The following CRY1 variants were observed in gnomAD, a reference collection of about 807,000 sequenced individuals.
CRY1 encodes cryptochrome circadian regulator 1.
In CRY1, 45 loss-of-function variants were observed where a neutral mutation model predicts 76.0. The observed-to-expected ratio is 0.59, with a 90% CI of 0.47 to 0.76. The LOEUF is 0.76. Among genes scored for constraint, CRY1 ranks in the 30% least tolerant of loss-of-function variants. The probability of loss-of-function intolerance (pLI) is 0.00; values close to 1 mark genes in which losing one functional copy is unlikely to be tolerated. For synonymous variants in CRY1, 248 were observed against 244.0 expected (o/e 1.02, Z -0.15); for missense variants, 587 against 716.4 (o/e 0.82, Z 2.06).
At chr12:107,089,019 T>A (rs1017576968) in intron 1 of CRY1, among the ~76,000 whole-genome samples, 107 of 152,356 alleles carry the variant, frequency 7.0e-4, no homozygotes, top group African/African-American at 2.4e-3. Context: ...TGTGACTGGC[T>A]TCTTTCGTTT....
intron 2 of CRY1, among the ~76,000 whole-genome samples, chr12:107,015,906 A>C: frequency 6.6e-6 from 1 of 152,150 alleles, no homozygotes; most frequent in South Asian, 2.1e-4. Context: ...GGCTGGTCTC[A>C]AACTCCTGGG....
chr12:107,009,599 T>TATATATAA (rs1952420176), intron 2 of CRY1, among the ~76,000 whole-genome samples: 1 of 20,838 alleles, frequency 4.8e-5, no homozygotes, highest in Non-Finnish European at 8.9e-5. Flanking sequence ...TATATATATA[T>TATATATAA]ATAAAATCTC....
intron 2 of CRY1, among the ~76,000 whole-genome samples, chr12:107,013,462 T>C (rs574989367): frequency 6.6e-6 from 1 of 152,352 alleles, no homozygotes; most frequent in South Asian, 2.1e-4. Flanking sequence ...AGACAACTTT[T>C]ATACATATGC....
At chr12:107,018,285 C>T (rs1360645492) in intron 2 of CRY1, among the ~76,000 whole-genome samples, 4 of 152,164 alleles carry the variant, frequency 2.6e-5, no homozygotes, top group Admixed American at 2.6e-4. Flanking sequence ...GTCACTGTTT[C>T]TTAGATATAA....
At chr12:107,005,052 G>A (rs1952354331) in intron 3 of CRY1, 54 bp downstream of exon 3, 4 of 1,530,914 alleles carry the variant, frequency 2.6e-6, no homozygotes, top group Non-Finnish European at 2.7e-6. Context: ...GGTTAAGATG[G>A]TAAATATTAT....
At chr12:107,011,823 A>G (rs992091270) in intron 2 of CRY1, among the ~76,000 whole-genome samples, 6 of 152,248 alleles carry the variant, frequency 3.9e-5, no homozygotes, top group Admixed American at 2.6e-4. Flanking sequence ...ACTAAACTAC[A>G]GATTTTCAGT....
At position 107,001,467 on chromosome 12, in the gene CRY1, G is replaced by C. The variant is rs1384278956; in HGVS notation, c.596-99C>G. On this transcript the variant is annotated intron_variant, in intron 4 of 12. Coordinates refer to ENST00000008527, the MANE Select transcript of CRY1 (RefSeq NM_004075.5). ...AAATTACTTTGCAGAAAAATTAAGA[G>C]AGTACCATAAAAATGAACTGAAGGC... is the stretch of plus-strand genomic sequence containing the variant. 9 of 1,040,928 alleles carry C rather than the reference G, an allele frequency of 8.6e-6. No homozygotes were observed. In the African/African-American group the frequency reaches 9.8e-5, roughly 11 times the overall value. 64.5% of individuals were successfully genotyped at this position (1,040,928 alleles called of 1,614,324 possible).
intron 1 of CRY1, among the ~76,000 whole-genome samples, chr12:107,024,054 T>A (rs979567040): frequency 6.6e-6 from 1 of 152,162 alleles, no homozygotes; most frequent in Non-Finnish European, 1.5e-5. Context: ...AATTAAGAAG[T>A]TGAAAGAACT....
Position 107,092,494 on chromosome 12 carries a change from C to T in CRY1, c.158+310G>A, listed in dbSNP as rs1371026645. Among the ~76,000 whole-genome samples the T allele has an allele frequency of 4.6e-5, 7 of 152,192 alleles. No individual in the cohort carries two copies. In the South Asian group the frequency reaches 1.4e-3, roughly 32 times the overall value. On this transcript the variant is annotated intron_variant, in intron 1 of 12. Transcript: ENST00000008527. The stretch of plus-strand genomic sequence containing the variant: ...CAAGGGAATCCATATACAATGGCCA[C>T]TAAGGACAGGAAAGGTGTTTCTTTA...
chr12:107,001,672 T>C (rs1952313330), intron 4 of CRY1, 92 bp downstream of exon 4: 1 of 1,193,360 alleles, frequency 8.4e-7, no homozygotes. Context: ...TAATGCAAAA[T>C]ACTTTACATG....
intron 1 of CRY1, among the ~76,000 whole-genome samples, chr12:107,053,356 G>A (rs1317897758): frequency 6.6e-6 from 1 of 151,998 alleles, no homozygotes; most frequent in African/African-American, 2.4e-5. Flanking sequence ...CACTCTTGCT[G>A]CCCAGGCTGG....
chr12:107,069,930 T>C lies in CRY1; in HGVS notation c.158+22874A>G, dbSNP rs565792452. Among the ~76,000 whole-genome samples the C allele has an allele frequency of 4.8e-4, 73 of 151,964 alleles. No homozygotes were observed. In the Middle Eastern group the frequency reaches 0.027, roughly 57 times the overall value. Reference sequence around the variant, plus strand: ...ACTAGAAAAGTACAAATTAAAAGAATCAAACATCAGTTTATGCTTATTAGA... The same window carrying C: ...ACTAGAAAAGTACAAATTAAAAGAACCAAACATCAGTTTATGCTTATTAGA... On this transcript the variant is annotated intron_variant, in intron 1 of 12. Transcript: ENST00000008527.
At chr12:106,995,903 G>A (rs1047594357) in intron 10 of CRY1, among the ~76,000 whole-genome samples, 5 of 152,148 alleles carry the variant, frequency 3.3e-5, no homozygotes, top group African/African-American at 1.2e-4. Context: ...GAGTGCAATG[G>A]CGCGATCTCA....
intron 2 of CRY1, among the ~76,000 whole-genome samples, chr12:107,009,563 C>CATATATATATATATATATATAT (rs869185018): frequency 2.9e-4 from 26 of 90,938 alleles, no homozygotes; most frequent in South Asian, 6.8e-4. Flanking sequence ...AACAAAAAAA[C>CATATATATATATATATATATAT]ATATATATAT....
chr12:107,022,912 A>C (rs1388633264), intron 1 of CRY1, among the ~76,000 whole-genome samples: 1 of 152,052 alleles, frequency 6.6e-6, no homozygotes, highest in Non-Finnish European at 1.5e-5. Flanking sequence ...TCAATGAAAT[A>C]AGTAGTAACA....
Position 106,991,945 on chromosome 12 carries a change from A to G in CRY1, c.*57T>C, listed in dbSNP as rs188963220. ...AGAATATTTTTAAATAACTTAATTG[A>G]AAAGTATTGAACTCCCCACCAATTT... On this transcript the variant is annotated 3_prime_UTR_variant, in exon 13 of 13. Transcript: ENST00000008527. 2 of 152,566 alleles carry G rather than the reference A, an allele frequency of 1.3e-5. No homozygotes were observed. Among genetic ancestry groups the G allele is most frequent in the East Asian group, 1.9e-4 (1 of 5,196 alleles). The allele number at this position is 152,566 out of a possible 1,614,324, so 9.5% of individuals were successfully genotyped here.
chr12:106,999,959 T>C lies in CRY1; in HGVS notation c.808A>G (p.Thr270Ala), dbSNP rs1292624768. The C allele has an allele frequency of 1.9e-6, 3 of 1,609,300 alleles. No individual in the cohort carries two copies. Among genetic ancestry groups the C allele is most frequent in the African/African-American group, 2.7e-5 (2 of 74,616 alleles). ...GAGAATACCTTTTTGTAGAGATCTG[T>C]TAGTTTGAAGTAAAACAGTCGACAT... ...LSCRLFYFKL[T>A]DLYKKVKKNS... Residue 270 changes from threonine (T) to alanine (A), a missense_variant, in exon 6 of 13, where the codon ACA (threonine) becomes GCA (alanine). Transcript: ENST00000008527.
chr12:107,048,552 T>A (rs1398457330), intron 1 of CRY1, among the ~76,000 whole-genome samples: 2 of 152,238 alleles, frequency 1.3e-5, no homozygotes, highest in Non-Finnish European at 1.5e-5. Context: ...GGGATTTCAA[T>A]ACAAACATTT....
chr12:106,998,179 T>A, intron 7 of CRY1, 113 bp from the exon 8 acceptor site: 1 of 1,238,958 alleles, frequency 8.1e-7, no homozygotes, highest in Non-Finnish European at 1.1e-6. Flanking sequence ...CACAGAATTG[T>A]AAAATTAAAC....
Sources: allele counts gnomAD v4.1 joint callset (sites outside exome capture counted in the v4.1 genomes callset), GRCh38; gene constraint gnomAD v4.1.1; transcripts MANE v1.5; gene names NCBI Gene and HGNC (gene_info 2026-07-23, HGNC 2026-07-21).